CACNA2D1: variants seen among roughly 807,000 people sequenced by gnomAD.
CACNA2D1 encodes the protein calcium voltage-gated channel auxiliary subunit alpha2delta 1, also known as voltage-dependent calcium channel subunit alpha-2/delta-1.
A neutral mutation model predicts 171.5 loss-of-function variants in CACNA2D1; 53 were observed. The ratio of observed to expected loss-of-function variants is 0.31; its 90% CI spans 0.25 to 0.39. CACNA2D1 has a LOEUF of 0.39. Ranked by LOEUF, CACNA2D1 falls within the 10% of genes least tolerant of loss-of-function variation. The probability of loss-of-function intolerance (pLI) is 1.00; values close to 1 mark genes in which losing one functional copy is unlikely to be tolerated. For missense variants in CACNA2D1, 903 were observed against 1,299.8 expected, an observed-to-expected ratio of 0.69 and a Z score of 4.69; for synonymous variants, 442 against 443.1, an observed-to-expected ratio of 1.00 and a Z score of 0.03.
At chr7:81,952,161 C>T (rs1792679677) in intron 38 of CACNA2D1, among the ~76,000 whole-genome samples, 1 of 150,752 alleles carries the variant, frequency 6.6e-6, no homozygotes, top group African/African-American at 2.4e-5. Flanking sequence ...GTTTTTTGCC[C>T]ACTTTCTGAT....
Position 82,136,803 on chromosome 7 carries a change from G to A in CACNA2D1, c.355-127C>T, listed in dbSNP as rs535291094. 2.3e-4 allele frequency: 154 copies of A among 680,348 alleles called. 1 individual carries two copies. The African/African-American group carries it at 2.7e-3, about 12-fold the overall frequency. 42.1% of individuals were successfully genotyped at this position (680,348 alleles called of 1,614,324 possible). On this transcript the variant is annotated intron_variant, in intron 4 of 38. Coordinates refer to ENST00000356860, the MANE Select transcript of CACNA2D1 (RefSeq NM_000722.4). Reference sequence around the variant, plus strand: ...TTTCTTTCACAATATATTCCACAATGATCCATAAGGATTAGCCACTATTTT... The same window carrying A: ...TTTCTTTCACAATATATTCCACAATAATCCATAAGGATTAGCCACTATTTT...
intron 3 of CACNA2D1, among the ~76,000 whole-genome samples, chr7:82,181,690 C>A (rs1000529989): frequency 1.3e-5 from 2 of 152,150 alleles, no homozygotes; most frequent in Admixed American, 6.6e-5. Context: ...CTACAACTTA[C>A]GTGTTCTAAA....
chr7:82,084,002 T>G (rs1372069935), intron 7 of CACNA2D1, among the ~76,000 whole-genome samples: 1 of 152,152 alleles, frequency 6.6e-6, no homozygotes, highest in African/African-American at 2.4e-5. Context: ...ACTCAGATCA[T>G]GTTTGAGAAA....
Position 82,193,797 on chromosome 7 carries a change from T to C in CACNA2D1, c.295-23188A>G, listed in dbSNP as rs184661088. ...ACATACTTGATATGTTTTGTGTTTG[T>C]CTTGATTAGCTGCTTTACAACCTGA... On this transcript the variant is annotated intron_variant, in intron 3 of 38. Coordinates refer to ENST00000356860, the MANE Select transcript of CACNA2D1 (RefSeq NM_000722.4). Among the ~76,000 whole-genome samples the C allele has an allele frequency of 3.3e-5, 5 of 152,168 alleles. No individual in the cohort carries two copies. In the East Asian group the frequency reaches 5.8e-4, roughly 18 times the overall value.
intron 1 of CACNA2D1, among the ~76,000 whole-genome samples, chr7:82,367,643 T>C (rs1255439897): frequency 6.6e-6 from 1 of 152,132 alleles, no homozygotes; most frequent in Admixed American, 6.5e-5. Context: ...GCACTTATCT[T>C]TGCACTGAGA....
At chr7:82,048,169 A>G (rs998114792) in intron 10 of CACNA2D1, among the ~76,000 whole-genome samples, 1 of 152,202 alleles carries the variant, frequency 6.6e-6, no homozygotes, top group African/African-American at 2.4e-5. Context: ...GTTATCAACT[A>G]GGGTTGAAGG....
At chr7:82,052,693 T>C (rs1485027305) in intron 10 of CACNA2D1, among the ~76,000 whole-genome samples, 1 of 152,198 alleles carries the variant, frequency 6.6e-6, no homozygotes, top group African/African-American at 2.4e-5. Flanking sequence ...AATAAGAATA[T>C]ATGAAGTTTC....
chr7:82,102,197 T>A (rs540405153), intron 6 of CACNA2D1, among the ~76,000 whole-genome samples: 9 of 151,988 alleles, frequency 5.9e-5, no homozygotes, highest in Non-Finnish European at 8.8e-5. Flanking sequence ...GTGCAGCTCC[T>A]GAAAATCTGA....
intron 6 of CACNA2D1, among the ~76,000 whole-genome samples, chr7:82,086,680 T>G (rs1285124693): frequency 1.3e-5 from 2 of 152,192 alleles, no homozygotes; most frequent in Non-Finnish European, 2.9e-5. Context: ...AATGTTTATT[T>G]ATGATCCAGA....
chr7:82,141,691 C>T (rs1194840516), intron 4 of CACNA2D1, among the ~76,000 whole-genome samples: 2 of 152,216 alleles, frequency 1.3e-5, no homozygotes, highest in Non-Finnish European at 2.9e-5. Flanking sequence ...TGAAAAATAT[C>T]TCATTATGGT....
chr7:81,996,005 T>C (rs945217268), intron 19 of CACNA2D1, among the ~76,000 whole-genome samples: 23 of 152,144 alleles, frequency 1.5e-4, no homozygotes, highest in African/African-American at 4.3e-4. Flanking sequence ...GTTTGATGTA[T>C]CTAATTTAGT....
At chr7:82,366,903 C>CTTTTTTTTTTTTTTTTTTTTTTTTTTTTT (rs71093376) in intron 1 of CACNA2D1, among the ~76,000 whole-genome samples, 7 of 86,970 alleles carry the variant, frequency 8.0e-5, no homozygotes, top group African/African-American at 1.9e-4. Context: ...TGGTTTTGAC[C>CTTTTTTTTTTTTTTTTTTTTTTTTTTTTT]TTTTTTTTTT....
chr7:81,993,434 C>T (rs1408634064), intron 20 of CACNA2D1, among the ~76,000 whole-genome samples: 1 of 152,084 alleles, frequency 6.6e-6, no homozygotes, highest in Non-Finnish European at 1.5e-5. Context: ...TAATAGCTAA[C>T]CTAAGCCTGT....
intron 1 of CACNA2D1, among the ~76,000 whole-genome samples, chr7:82,389,072 C>T (rs754090006): frequency 4.0e-5 from 6 of 150,698 alleles, no homozygotes; most frequent in Non-Finnish European, 7.4e-5. Context: ...GCCGAGATGC[C>T]GCCACTGCAC....
At chr7:82,024,349 G>C (rs773006287) in intron 12 of CACNA2D1, among the ~76,000 whole-genome samples, 2 of 151,604 alleles carry the variant, frequency 1.3e-5, no homozygotes, top group African/African-American at 2.4e-5. Flanking sequence ...AATCCTGACA[G>C]GTAAGAGATG....
At chr7:82,388,575 C>T (rs1824702401) in intron 1 of CACNA2D1, among the ~76,000 whole-genome samples, 1 of 152,142 alleles carries the variant, frequency 6.6e-6, no homozygotes, top group African/African-American at 2.4e-5. Context: ...AAGCCAGGTG[C>T]TACAAGGAGC....
Position 81,996,868 on chromosome 7 carries a change from C to G in CACNA2D1, c.1662+311G>C, listed in dbSNP as rs571231256. ...TTTTTTTCAACACTATAACAACATC[C>G]TCCATCTCTATGATTTTTACTGAAG... On this transcript the variant is annotated intron_variant, in intron 19 of 38. Transcript: ENST00000356860. Among the ~76,000 whole-genome samples, 7 of 151,926 alleles carry G rather than the reference C, an allele frequency of 4.6e-5. 1 individual carries two copies. The East Asian group carries it at 1.2e-3, about 25-fold the overall frequency.
intron 1 of CACNA2D1, among the ~76,000 whole-genome samples, chr7:82,426,408 C>A (rs1829193992): frequency 6.6e-6 from 1 of 152,076 alleles, no homozygotes; most frequent in African/African-American, 2.4e-5. Flanking sequence ...CTCTTCTATA[C>A]TTTAAAATGC....
At chr7:82,011,420 C>G (rs534530353) in intron 15 of CACNA2D1, among the ~76,000 whole-genome samples, 1 of 152,198 alleles carries the variant, frequency 6.6e-6, no homozygotes, top group African/African-American at 2.4e-5. Flanking sequence ...CCATGACAAT[C>G]AAAAATGCAG....
Sources: allele counts gnomAD v4.1 joint callset (sites outside exome capture counted in the v4.1 genomes callset), GRCh38; gene constraint gnomAD v4.1.1; transcripts MANE v1.5; gene names NCBI Gene and HGNC (gene_info 2026-07-23, HGNC 2026-07-21).